FILIP1L: variants seen among roughly 807,000 people sequenced by gnomAD.
FILIP1L encodes filamin A interacting protein 1 like.
In FILIP1L, 55 loss-of-function variants were observed where a neutral mutation model predicts 96.6. The ratio of observed to expected loss-of-function variants is 0.57; its 90% CI spans 0.46 to 0.71. The LOEUF (loss-of-function observed/expected upper bound fraction) is 0.71, where lower values mean the gene tolerates loss of function less well. FILIP1L is among the 30% of genes least tolerant of loss of function. The pLI is 0.00. For missense variants in FILIP1L, 1,304 were observed against 1,321.2 expected (o/e 0.99, Z 0.20); for synonymous variants, 467 against 473.9 (o/e 0.99, Z 0.19).
chr3:99,854,406 A>G (rs572748692), intron 4 of FILIP1L, among the ~76,000 whole-genome samples: 1 of 152,304 alleles, frequency 6.6e-6, no homozygotes, highest in South Asian at 2.1e-4. Flanking sequence ...ATGATCTTCA[A>G]AGTAGCATAG....
At chr3:100,058,900 CTAACT>C (rs2065511284) in intron 1 of FILIP1L, among the ~76,000 whole-genome samples, 1 of 152,206 alleles carries the variant, frequency 6.6e-6, no homozygotes, top group African/African-American at 2.4e-5. Flanking sequence ...TTCTGATCTT[CTAACT>C]TAACTTGCAT....
intron 4 of FILIP1L, among the ~76,000 whole-genome samples, chr3:99,869,543 C>T (rs1559668567): frequency 2.0e-5 from 3 of 152,200 alleles, no homozygotes; most frequent in Admixed American, 1.3e-4. Flanking sequence ...AATTAACAGA[C>T]TAACAAGTTA....
At chr3:99,852,801 C>G (rs1046287917) in intron 4 of FILIP1L, among the ~76,000 whole-genome samples, 1 of 152,126 alleles carries the variant, frequency 6.6e-6, no homozygotes, top group Non-Finnish European at 1.5e-5. Context: ...TTGAGTCCTT[C>G]TTTTTGAGAT....
intron 1 of FILIP1L, among the ~76,000 whole-genome samples, chr3:99,991,530 GC>G (rs1406919578): frequency 6.6e-6 from 1 of 151,806 alleles, no homozygotes; most frequent in African/African-American, 2.4e-5. Flanking sequence ...TCAAGTCTGG[GC>G]TTTTAGTGTA....
Position 100,097,365 on chromosome 3 carries a change from A to G in FILIP1L, c.-11+16688T>C, listed in dbSNP as rs143280212. Among the ~76,000 whole-genome samples the G allele has an allele frequency of 4.6e-3, 704 of 152,344 alleles. 2 individuals are homozygous for G. The highest frequency in any genetic ancestry group is 7.0e-3 in the South Asian group (34 of 4,830). ...GACATTTTTTAAAGGCTACAGGAGG[A>G]TCTGCATGGATTATATGCAAATACT... On this transcript the variant is annotated intron_variant, in intron 1 of 5. Transcript: ENST00000477258.
intron 1 of FILIP1L, among the ~76,000 whole-genome samples, chr3:100,034,324 C>A (rs2065071162): frequency 5.3e-5 from 8 of 152,146 alleles, no homozygotes; most frequent in Admixed American, 5.2e-4. Context: ...ACACTCATGG[C>A]AGCAGTAAGA....
intron 1 of FILIP1L, among the ~76,000 whole-genome samples, chr3:99,940,296 A>G (rs1238694337): frequency 6.6e-6 from 1 of 152,172 alleles, no homozygotes; most frequent in East Asian, 1.9e-4. Context: ...CACACTTCCA[A>G]CCCTAGATCA....
At chr3:99,882,779 T>C (rs1355082474) in intron 4 of FILIP1L, among the ~76,000 whole-genome samples, 3 of 152,236 alleles carry the variant, frequency 2.0e-5, no homozygotes, top group Non-Finnish European at 4.4e-5. Flanking sequence ...TTACCTAGCT[T>C]ATACTAACTG....
intron 1 of FILIP1L, among the ~76,000 whole-genome samples, chr3:99,957,703 T>C (rs1576600344): frequency 8.5e-6 from 1 of 118,258 alleles, no homozygotes; most frequent in Admixed American, 9.8e-5. Context: ...CTTTTTTTTT[T>C]TTTTTTTTTT....
chr3:100,073,660 A>G (rs571948482), intron 1 of FILIP1L, among the ~76,000 whole-genome samples: 18 of 152,302 alleles, frequency 1.2e-4, no homozygotes, highest in African/African-American at 4.3e-4. Context: ...CATGCCAGTA[A>G]TAAACCTTGA....
chr3:99,879,608 A>G (rs1439521704), intron 4 of FILIP1L, among the ~76,000 whole-genome samples: 5 of 152,220 alleles, frequency 3.3e-5, no homozygotes, highest in Non-Finnish European at 4.4e-5. Flanking sequence ...AGTAATTAAT[A>G]GGATGTTTCT....
chr3:99,869,741 C>T (rs546250044), intron 4 of FILIP1L, among the ~76,000 whole-genome samples: 1 of 152,316 alleles, frequency 6.6e-6, no homozygotes, highest in East Asian at 1.9e-4. Flanking sequence ...ATGATCTCTG[C>T]TCAGAGATTT....
chr3:100,082,937 GA>G (rs2065954138), intron 1 of FILIP1L, among the ~76,000 whole-genome samples: 1 of 152,092 alleles, frequency 6.6e-6, no homozygotes, highest in Admixed American at 6.6e-5. Flanking sequence ...CTGTGGTTTT[GA>G]AAAAAGAACA....
chr3:99,981,531 C>A (rs1212721943), intron 1 of FILIP1L, among the ~76,000 whole-genome samples: 1 of 152,086 alleles, frequency 6.6e-6, no homozygotes, highest in East Asian at 1.9e-4. Flanking sequence ...GAGGTGATTA[C>A]CCTGATTTGA....
rs1015734407 is a variant in FILIP1L at position 100,008,242 on chromosome 3, C to A, written c.-10-77212G>T. 2.0e-5 allele frequency among the ~76,000 whole-genome samples: 3 copies of A among 152,202 alleles called. No homozygotes were observed. The East Asian group carries it at 5.8e-4, about 29-fold the overall frequency. On this transcript the variant is annotated intron_variant, in intron 1 of 5. Transcript: ENST00000477258. Reference sequence around the variant, plus strand: ...GTCATTCCTGATAAAGGTAACTACTCCACCCCTGCTTCCCAATTAGATTCC... The same window carrying A: ...GTCATTCCTGATAAAGGTAACTACTACACCCCTGCTTCCCAATTAGATTCC...
chr3:99,864,698 T>C (rs1677545879), intron 4 of FILIP1L, among the ~76,000 whole-genome samples: 1 of 152,124 alleles, frequency 6.6e-6, no homozygotes, highest in African/African-American at 2.4e-5. Context: ...TCCTCTTTGC[T>C]CACTCTGCTC....
In FILIP1L at chr3:100,003,980, C is replaced by T. The variant is rs564883318; in HGVS notation, c.-10-72950G>A. Among the ~76,000 whole-genome samples, 12 of 152,184 alleles carry T rather than the reference C, an allele frequency of 7.9e-5. No individual in the cohort carries two copies. The South Asian group carries it at 1.2e-3, about 16-fold the overall frequency. ...TGCCTGGGAATGAACCTGAAATGGA[C>T]GGTGTATATTGATTTTTCTGTACAT... On this transcript the variant is annotated intron_variant, in intron 1 of 5. Coordinates refer to ENST00000477258, the MANE Select transcript of FILIP1L (RefSeq NM_001387850.1).
At chr3:100,102,070 A>G (rs546533274) in intron 1 of FILIP1L, among the ~76,000 whole-genome samples, 2 of 152,182 alleles carry the variant, frequency 1.3e-5, no homozygotes, top group Admixed American at 6.5e-5. Flanking sequence ...GAATAGTGCC[A>G]CAATAAACAT....
intron 4 of FILIP1L, among the ~76,000 whole-genome samples, chr3:99,879,739 T>C (rs892101997): frequency 3.3e-5 from 5 of 152,190 alleles, no homozygotes; most frequent in African/African-American, 1.2e-4. Flanking sequence ...ATATGACATG[T>C]TTGCTTCTTT....
Sources: gnomAD v4.1 joint callset for allele counts (sites outside exome capture counted in the v4.1 genomes callset) on GRCh38, gnomAD v4.1.1 for gene constraint, MANE v1.5 for transcripts, NCBI Gene and HGNC (gene_info 2026-07-23, HGNC 2026-07-21) for gene names.